NEGR1: variants seen among roughly 807,000 people sequenced by gnomAD.
NEGR1 encodes neuronal growth regulator 1, also known as IgLON family member 4.
A neutral mutation model predicts 40.9 loss-of-function variants in NEGR1; 10 were observed. That is an observed-to-expected ratio of 0.24 (90% CI 0.15 to 0.42). NEGR1 has a LOEUF of 0.42. Among genes scored for constraint, NEGR1 ranks in the 10% least tolerant of loss-of-function variants. The probability of loss-of-function intolerance (pLI) is 1.00; values close to 1 mark genes in which losing one functional copy is unlikely to be tolerated. For missense variants in NEGR1, 352 were observed against 438.9 expected, an observed-to-expected ratio of 0.80 and a Z score of 1.77; for synonymous variants, 185 against 166.8, an observed-to-expected ratio of 1.11 and a Z score of -0.84.
chr1:71,637,971 A>T (rs1283663265), intron 4 of NEGR1, among the ~76,000 whole-genome samples: 3 of 152,014 alleles, frequency 2.0e-5, no homozygotes, highest in Non-Finnish European at 4.4e-5. Context: ...TTAAAACCCC[A>T]TATGTCTGGT....
At chr1:72,109,394 A>G (rs1163387129) in intron 1 of NEGR1, among the ~76,000 whole-genome samples, 4 of 151,646 alleles carry the variant, frequency 2.6e-5, no homozygotes, top group African/African-American at 9.7e-5. Flanking sequence ...AACATGTGAT[A>G]AGTACAACGG....
chr1:71,570,124 G>A (rs1648763775), intron 6 of NEGR1, among the ~76,000 whole-genome samples: 1 of 152,198 alleles, frequency 6.6e-6, no homozygotes, highest in Non-Finnish European at 1.5e-5. Context: ...TTGACTCACA[G>A]AGGAGTTTTC....
rs984800046 is a variant in NEGR1, at chr1:72,116,011, G to A, written c.176+166308C>T. Among the ~76,000 whole-genome samples the A allele has an allele frequency of 7.9e-5, 12 of 151,682 alleles. No homozygotes were observed. The Admixed American group carries it at 7.9e-4, about 10-fold the overall frequency. On this transcript the variant is annotated intron_variant, in intron 1 of 6. Transcript: ENST00000357731. ...TGTAGCCTAAATTTAAAACATTTAT[G>A]CAAATGTTAATTAGCCTCTTTAAAA...
intron 1 of NEGR1, among the ~76,000 whole-genome samples, chr1:72,169,252 G>C (rs918163738): frequency 6.6e-6 from 1 of 152,062 alleles, no homozygotes; most frequent in Non-Finnish European, 1.5e-5. Context: ...GAAAGCATCA[G>C]ATGTAAATCA....
At chr1:71,896,564 C>T (rs1436573583) in intron 2 of NEGR1, among the ~76,000 whole-genome samples, 3 of 152,092 alleles carry the variant, frequency 2.0e-5, no homozygotes, top group Non-Finnish European at 2.9e-5. Context: ...TTTAATTTAT[C>T]TATTTTTTCT....
At chr1:72,099,463 A>T (rs905765099) in intron 1 of NEGR1, among the ~76,000 whole-genome samples, 1 of 152,004 alleles carries the variant, frequency 6.6e-6, no homozygotes, top group Non-Finnish European at 1.5e-5. Flanking sequence ...TACACATGGT[A>T]TTCTAGCATT....
At chr1:72,232,231 C>T (rs1381380731) in intron 1 of NEGR1, among the ~76,000 whole-genome samples, 2 of 151,882 alleles carry the variant, frequency 1.3e-5, no homozygotes, top group African/African-American at 4.8e-5. Flanking sequence ...GTGGTGCGTG[C>T]CTGTAATCCC....
At chr1:71,544,530 T>C (rs566581357) in intron 6 of NEGR1, among the ~76,000 whole-genome samples, 68 of 151,842 alleles carry the variant, frequency 4.5e-4, no homozygotes, top group African/African-American at 1.5e-3. Flanking sequence ...CATGAGGTGA[T>C]TGTGAAAATG....
intron 1 of NEGR1, among the ~76,000 whole-genome samples, chr1:72,256,410 C>T (rs1655273016): frequency 6.6e-6 from 1 of 152,138 alleles, no homozygotes; most frequent in Admixed American, 6.5e-5. Context: ...TTTCCTCTAC[C>T]CAACTCTCAA....
intron 1 of NEGR1, among the ~76,000 whole-genome samples, chr1:72,205,438 G>C (rs1050563759): frequency 2.0e-4 from 30 of 151,388 alleles, no homozygotes; most frequent in Admixed American, 2.0e-3. Flanking sequence ...CATGGACCAA[G>C]CAGAATAAAA....
chr1:72,045,363 A>C (rs1392153150), intron 1 of NEGR1, among the ~76,000 whole-genome samples: 3 of 151,738 alleles, frequency 2.0e-5, no homozygotes, highest in African/African-American at 7.3e-5. Context: ...GCATCCAAAT[A>C]TCCATAGATA....
At chr1:71,920,356 G>C (rs138118930) in intron 2 of NEGR1, among the ~76,000 whole-genome samples, 1 of 152,216 alleles carries the variant, frequency 6.6e-6, no homozygotes, top group Non-Finnish European at 1.5e-5. Flanking sequence ...ATTGAGCTCT[G>C]AATGACTTAC....
chr1:71,677,174 G>A (rs1652669375), intron 4 of NEGR1, among the ~76,000 whole-genome samples: 1 of 151,974 alleles, frequency 6.6e-6, no homozygotes, highest in African/African-American at 2.4e-5. Context: ...TCATTATTCT[G>A]CCACACATGT....
intron 2 of NEGR1, among the ~76,000 whole-genome samples, chr1:71,855,435 C>T (rs1659730222): frequency 6.6e-6 from 1 of 151,932 alleles, no homozygotes; most frequent in Non-Finnish European, 1.5e-5. Flanking sequence ...AAATAGGCAA[C>T]TCAACTCTGG....
At chr1:71,771,383 C>T (rs1194847680) in intron 3 of NEGR1, among the ~76,000 whole-genome samples, 1 of 151,998 alleles carries the variant, frequency 6.6e-6, no homozygotes, top group Non-Finnish European at 1.5e-5. Flanking sequence ...ACCACCATGG[C>T]ATGTGTATAC....
At chr1:71,650,713 A>G (rs1294559886) in intron 4 of NEGR1, among the ~76,000 whole-genome samples, 2 of 152,198 alleles carry the variant, frequency 1.3e-5, no homozygotes, top group East Asian at 3.8e-4. Context: ...TTTTGATTAA[A>G]ATAAATACAA....
intron 6 of NEGR1, among the ~76,000 whole-genome samples, chr1:71,414,572 C>T (rs150295529): frequency 1.3e-4 from 20 of 152,230 alleles, no homozygotes; most frequent in Non-Finnish European, 2.4e-4. Context: ...TGGTCCAGAT[C>T]CTAAGATGAG....
intron 5 of NEGR1, among the ~76,000 whole-genome samples, chr1:71,609,196 A>T (rs949253337): frequency 5.3e-5 from 8 of 152,142 alleles, no homozygotes; most frequent in African/African-American, 1.9e-4. Flanking sequence ...GCTAAAAAAA[A>T]TTTTAGGTAA....
chr1:72,273,862 T>A (rs1241204403), intron 1 of NEGR1, among the ~76,000 whole-genome samples: 2 of 151,854 alleles, frequency 1.3e-5, no homozygotes, highest in Admixed American at 1.3e-4. Context: ...ATACATTCAT[T>A]TCTTCACTTA....
Sources: gnomAD v4.1 joint callset for allele counts (sites outside exome capture counted in the v4.1 genomes callset) on GRCh38, gnomAD v4.1.1 for gene constraint, MANE v1.5 for transcripts, NCBI Gene and HGNC (gene_info 2026-07-23, HGNC 2026-07-21) for gene names.